The following PPP1R9A variants were observed in gnomAD, a reference collection of about 807,000 sequenced individuals.
PPP1R9A encodes the protein neurabin-1.
A neutral mutation model predicts 141.9 loss-of-function variants in PPP1R9A; 59 were observed. That is an observed-to-expected ratio of 0.42 (90% confidence interval 0.34 to 0.52). The LOEUF is 0.52. Among genes scored for constraint, PPP1R9A ranks in the 20% least tolerant of loss-of-function variants. The probability of loss-of-function intolerance (pLI) is 0.10; values close to 1 mark genes in which losing one functional copy is unlikely to be tolerated. For missense variants in PPP1R9A, 1,444 were observed against 1,611.9 expected, an observed-to-expected ratio of 0.90 and a Z score of 1.78; for synonymous variants, 500 against 569.7, an observed-to-expected ratio of 0.88 and a Z score of 1.74.
At chr7:95,049,536 C>A (rs1810499801) in intron 2 of PPP1R9A, among the ~76,000 whole-genome samples, 1 of 152,154 alleles carries the variant, frequency 6.6e-6, no homozygotes, top group Admixed American at 6.6e-5. Context: ...TTTGACACAT[C>A]ATTATCACCT....
intron 7 of PPP1R9A, among the ~76,000 whole-genome samples, chr7:95,219,481 C>A (rs4401774): frequency 0.38 from 58,020 of 151,792 alleles, 11,776 homozygotes; most frequent in South Asian, 0.49. Context: ...ATCTTTGTGG[C>A]GTTCTCTGTA....
intron 7 of PPP1R9A, among the ~76,000 whole-genome samples, chr7:95,206,570 A>G (rs1034715482): frequency 2.6e-5 from 4 of 152,182 alleles, no homozygotes; most frequent in African/African-American, 7.2e-5. Context: ...TATTACCTCA[A>G]ATAGTTACCT....
At chr7:94,971,872 A>G (rs1203377911) in intron 2 of PPP1R9A, among the ~76,000 whole-genome samples, 1 of 152,180 alleles carries the variant, frequency 6.6e-6, no homozygotes, top group Non-Finnish European at 1.5e-5. Flanking sequence ...GGATATAAGA[A>G]TTCTTTCTTC....
chr7:95,250,401 A>G (rs1798710206), intron 10 of PPP1R9A, 146 bp downstream of exon 10: 1 of 704,946 alleles, frequency 1.4e-6, no homozygotes, highest in Non-Finnish European at 2.2e-6. Context: ...ATAAATACAC[A>G]TTAAGTTTTG....
chr7:95,239,608 C>T (rs1171701494), intron 8 of PPP1R9A, among the ~76,000 whole-genome samples: 3 of 151,940 alleles, frequency 2.0e-5, no homozygotes, highest in Non-Finnish European at 4.4e-5. Flanking sequence ...GTATTTTTTA[C>T]AAGAAAATTT....
chr7:95,041,161 G>A (rs746349690), intron 2 of PPP1R9A, among the ~76,000 whole-genome samples: 1 of 152,140 alleles, frequency 6.6e-6, no homozygotes, highest in Non-Finnish European at 1.5e-5. Context: ...CATGACTAAG[G>A]TCATCTTAGT....
chr7:94,988,449 C>T (rs745648635), intron 2 of PPP1R9A, among the ~76,000 whole-genome samples: 1 of 151,820 alleles, frequency 6.6e-6, no homozygotes, highest in Non-Finnish European at 1.5e-5. Flanking sequence ...GTAATGTTTC[C>T]AAGTGGTGAC....
intron 2 of PPP1R9A, among the ~76,000 whole-genome samples, chr7:95,034,957 G>C (rs1808238856): frequency 6.6e-6 from 1 of 152,172 alleles, no homozygotes; most frequent in East Asian, 1.9e-4. Context: ...CACAGGGCTA[G>C]AAAGTTGTGA....
At chr7:95,074,784 A>G (rs1023295734) in intron 2 of PPP1R9A, among the ~76,000 whole-genome samples, 5 of 151,926 alleles carry the variant, frequency 3.3e-5, no homozygotes, top group Admixed American at 2.6e-4. Flanking sequence ...CAAAGACTAC[A>G]TATTTGAAGT....
intron 2 of PPP1R9A, among the ~76,000 whole-genome samples, chr7:95,051,407 TAGTGTTGGTCC>T: frequency 6.6e-6 from 1 of 152,296 alleles, no homozygotes; most frequent in East Asian, 1.9e-4. Context: ...TGAAGTTAGG[TAGTGTTGGTCC>T]TCCAACTTTG....
chr7:94,921,856 T>C (rs897791679), intron 2 of PPP1R9A, among the ~76,000 whole-genome samples: 4 of 151,860 alleles, frequency 2.6e-5, no homozygotes, highest in African/African-American at 9.7e-5. Context: ...CAAACAAACC[T>C]GTAAGTAAGT....
intron 5 of PPP1R9A, among the ~76,000 whole-genome samples, chr7:95,170,892 T>C (rs966918024): frequency 1.4e-4 from 21 of 151,642 alleles, no homozygotes; most frequent in Non-Finnish European, 2.8e-4. Flanking sequence ...TTGTTTGAGA[T>C]TTATAATATC....
At chr7:95,259,996 A>G (rs776766018) in intron 12 of PPP1R9A, among the ~76,000 whole-genome samples, 1 of 152,286 alleles carries the variant, frequency 6.6e-6, no homozygotes, top group East Asian at 1.9e-4. Context: ...TTAATCCCCA[A>G]TAAATAATTT....
chr7:95,282,238 G>C (rs1417336299), intron 16 of PPP1R9A, among the ~76,000 whole-genome samples: 1 of 150,996 alleles, frequency 6.6e-6, no homozygotes, highest in East Asian at 1.9e-4. Flanking sequence ...AAGCTGAGGT[G>C]TGAAGATTGC....
At chr7:94,953,701 A>G (rs895192027) in intron 2 of PPP1R9A, among the ~76,000 whole-genome samples, 2 of 151,762 alleles carry the variant, frequency 1.3e-5, no homozygotes, top group African/African-American at 4.8e-5. Context: ...ATTCCTAGGT[A>G]TTTTATTCTC....
At chr7:95,189,763 T>C (rs1835218270) in intron 5 of PPP1R9A, among the ~76,000 whole-genome samples, 2 of 152,190 alleles carry the variant, frequency 1.3e-5, no homozygotes, top group Non-Finnish European at 2.9e-5. Flanking sequence ...AAAAATTATT[T>C]GTCTTTTTCT....
At chr7:95,177,036 CA>C (rs1295504897) in intron 5 of PPP1R9A, among the ~76,000 whole-genome samples, 1 of 152,028 alleles carries the variant, frequency 6.6e-6, no homozygotes, top group Non-Finnish European at 1.5e-5. Flanking sequence ...AAATTCATTG[CA>C]AAAAGATTAT....
Position 94,911,582 on chromosome 7 carries a change from T to G in PPP1R9A, c.1395+74T>G, listed in dbSNP as rs1454796654. 83 of 1,184,622 alleles carry G rather than the reference T, an allele frequency of 7.0e-5. No homozygotes were observed. In the East Asian group the frequency reaches 2.0e-3, roughly 29 times the overall value. The allele number at this position is 1,184,622 out of a possible 1,614,324, so 73.4% of individuals were successfully genotyped here. On this transcript the variant is annotated intron_variant, in intron 2 of 19. Coordinates refer to ENST00000433360, the MANE Select transcript of PPP1R9A (RefSeq NM_001166160.2). ...GGGCCTAATTGTATGTAGAATAGAC[T>G]TGACAACTAGTAGGAGTTTTTGTAA...
intron 2 of PPP1R9A, among the ~76,000 whole-genome samples, chr7:95,045,543 G>A (rs1809889617): frequency 1.3e-5 from 2 of 152,200 alleles, no homozygotes; most frequent in South Asian, 4.1e-4. Context: ...GTCATACTCT[G>A]CCATTTTGTC....
Sources: allele counts gnomAD v4.1 joint callset (sites outside exome capture counted in the v4.1 genomes callset), GRCh38; gene constraint gnomAD v4.1.1; transcripts MANE v1.5; gene names NCBI Gene and HGNC (gene_info 2026-07-23, HGNC 2026-07-21).